Variants in CTNNA2 observed in about 807,000 individuals in gnomAD.
CTNNA2 encodes catenin alpha-2.
In CTNNA2, 42 loss-of-function variants were observed where a neutral mutation model predicts 101.0. That is an observed-to-expected ratio of 0.42 (90% CI 0.32 to 0.54). The LOEUF (loss-of-function observed/expected upper bound fraction) is 0.54, where lower values mean the gene tolerates loss of function less well. Among genes scored for constraint, CTNNA2 ranks in the 20% least tolerant of loss-of-function variants. CTNNA2 has a pLI of 0.14. For synonymous variants in CTNNA2, 450 were observed against 456.4 expected, an observed-to-expected ratio of 0.99 and a Z score of 0.18; for missense variants, 871 against 1,223.1, an observed-to-expected ratio of 0.71 and a Z score of 4.29.
intron 1 of CTNNA2, among the ~76,000 whole-genome samples, chr2:79,640,760 A>G (rs1000693303): frequency 6.6e-6 from 1 of 152,232 alleles, no homozygotes; most frequent in East Asian, 1.9e-4. Context: ...TTAATCAACA[A>G]CATTTAGGAA....
intron 7 of CTNNA2, among the ~76,000 whole-genome samples, chr2:79,982,268 C>G (rs377713060): frequency 9.2e-6 from 1 of 109,006 alleles, no homozygotes; most frequent in Non-Finnish European, 1.8e-5. Flanking sequence ...ACACACATAA[C>G]ATATATATAA....
At chr2:79,686,819 A>G (rs984539323) in intron 2 of CTNNA2, among the ~76,000 whole-genome samples, 1 of 152,118 alleles carries the variant, frequency 6.6e-6, no homozygotes, top group Non-Finnish European at 1.5e-5. Flanking sequence ...TGAAAAAAAT[A>G]CTAATATGCT....
intron 3 of CTNNA2, among the ~76,000 whole-genome samples, chr2:79,372,697 A>G (rs17016956): frequency 0.051 from 7,779 of 152,282 alleles, 678 homozygotes; most frequent in African/African-American, 0.18. Flanking sequence ...CCTCCCCAGA[A>G]TACAAAGACA....
At chr2:79,351,993 C>T (rs944540916) in intron 3 of CTNNA2, among the ~76,000 whole-genome samples, 7 of 152,144 alleles carry the variant, frequency 4.6e-5, no homozygotes, top group African/African-American at 1.4e-4. Context: ...TTTGAGAAAT[C>T]TCCAAAATTG....
At chr2:79,921,320 A>T (rs1416081487) in intron 7 of CTNNA2, among the ~76,000 whole-genome samples, 2 of 152,176 alleles carry the variant, frequency 1.3e-5, no homozygotes, top group African/African-American at 4.8e-5. Flanking sequence ...GTGAGTGGGG[A>T]TAAATAACTT....
chr2:79,417,903 C>T (rs555238200), intron 4 of CTNNA2, among the ~76,000 whole-genome samples: 1 of 152,040 alleles, frequency 6.6e-6, no homozygotes, highest in African/African-American at 2.4e-5. Context: ...CATGGCATTG[C>T]AGTAAAGAAA....
In CTNNA2 at chr2:80,303,637, G is replaced by A; in HGVS notation, c.1057-89574G>A. The stretch of plus-strand genomic sequence containing the variant: ...AGCCCAGCAGGCCGGACAGGTTGTG[G>A]GGCGCCTCGGTGAGGTTGAGCGCCT... On this transcript the variant is annotated intron_variant, in intron 7 of 18. Transcript: ENST00000402739. This position sits in a 1 kb window ranked among gnomAD's most constrained non-coding sequence, Gnocchi z 7.7. 1 of 1,613,684 alleles carries A rather than the reference G, an allele frequency of 6.2e-7. No individual in the cohort carries two copies. Among genetic ancestry groups the A allele is most frequent in the South Asian group, 1.1e-5 (1 of 91,058 alleles).
chr2:80,089,860 T>C (rs912458419), intron 7 of CTNNA2, among the ~76,000 whole-genome samples: 1 of 152,044 alleles, frequency 6.6e-6, no homozygotes, highest in African/African-American at 2.4e-5. Context: ...TTGTGTCAAG[T>C]GAGAAATGTG....
rs10207211 is a variant in CTNNA2, at chr2:79,541,701, A to G, written c.-6+28494A>G. On this transcript the variant is annotated intron_variant, in intron 1 of 18. Coordinates refer to ENST00000402739, the MANE Select transcript of CTNNA2 (RefSeq NM_001282597.3). Reference sequence around the variant, plus strand: ...GAGTGCAGTGGCATGATCTTGGCTCACTGCAACCTCCACCTCCTGGGGTCA... The same window carrying G: ...GAGTGCAGTGGCATGATCTTGGCTCGCTGCAACCTCCACCTCCTGGGGTCA... 1.3e-3 allele frequency among the ~76,000 whole-genome samples: 196 copies of G among 149,902 alleles called. 2 individuals carry two copies. Among genetic ancestry groups the G allele is most frequent in the African/African-American group, 4.4e-3 (180 of 40,670 alleles).
Position 79,794,599 on chromosome 2 carries a change from C to T in CTNNA2, c.298+50017C>T, listed in dbSNP as rs1029446692. Among the ~76,000 whole-genome samples, 8 of 152,202 alleles carry T rather than the reference C, an allele frequency of 5.3e-5. No homozygotes were observed. The East Asian group carries it at 9.7e-4, about 18-fold the overall frequency. On this transcript the variant is annotated intron_variant, in intron 3 of 18. Coordinates refer to ENST00000402739, the MANE Select transcript of CTNNA2 (RefSeq NM_001282597.3). ...GTAACAAAACTTATCATAAGATCTA[C>T]CCGCTTAGCAAGTCTTAAGCGTACA...
Position 79,227,232 on chromosome 2 carries a change from G to C in CTNNA2, c.-406+29156G>C, listed in dbSNP as rs181484316. ...CCAGGTTTGTCCAGACAGGACAAAC[G>C]AGTTTTAATCTGGGCATGCAAACAT... On this transcript the variant is annotated intron_variant, in intron 2 of 21. Transcript: ENST00000466387. Among the ~76,000 whole-genome samples, 13 of 152,222 alleles carry C rather than the reference G, an allele frequency of 8.5e-5. No individual in the cohort carries two copies. The East Asian group carries it at 2.5e-3, about 29-fold the overall frequency.
At chr2:79,427,892 G>T (rs755748350) in intron 4 of CTNNA2, among the ~76,000 whole-genome samples, 3 of 151,934 alleles carry the variant, frequency 2.0e-5, no homozygotes, top group Non-Finnish European at 2.9e-5. Context: ...TAATTTTGTG[G>T]AGTAATAAAC....
At chr2:80,329,289 G>A (rs1407178703) in intron 7 of CTNNA2, among the ~76,000 whole-genome samples, 1 of 152,132 alleles carries the variant, frequency 6.6e-6, no homozygotes, top group Non-Finnish European at 1.5e-5. Context: ...GAGAAGTAAT[G>A]TTTTGTTTGA....
intron 7 of CTNNA2, among the ~76,000 whole-genome samples, chr2:79,995,749 G>A (rs1473981073): frequency 6.6e-6 from 1 of 152,140 alleles, no homozygotes; most frequent in African/African-American, 2.4e-5. Context: ...GGAGGTTGAG[G>A]TTGGAGTGAG....
intron 6 of CTNNA2, among the ~76,000 whole-genome samples, chr2:79,906,291 G>T (rs987243054): frequency 2.0e-5 from 3 of 148,818 alleles, no homozygotes; most frequent in African/African-American, 7.6e-5. Flanking sequence ...TCTCATCCGG[G>T]ATACACACAC....
intron 9 of CTNNA2, among the ~76,000 whole-genome samples, chr2:80,530,991 A>G (rs892629051): frequency 6.6e-6 from 1 of 152,202 alleles, no homozygotes; most frequent in Non-Finnish European, 1.5e-5. Flanking sequence ...GGTAAGATGG[A>G]GTGAACAGGT....
intron 7 of CTNNA2, among the ~76,000 whole-genome samples, chr2:80,046,659 G>A (rs12465490): frequency 0.54 from 82,465 of 152,032 alleles, 24,277 homozygotes; most frequent in African/African-American, 0.76. Context: ...CAGGCGATCA[G>A]GAGTGCCTCA....
intron 1 of CTNNA2, among the ~76,000 whole-genome samples, chr2:79,601,892 AC>A (rs1445367479): frequency 3.3e-5 from 5 of 152,240 alleles, no homozygotes; most frequent in Admixed American, 3.3e-4. Context: ...CATCTAACCT[AC>A]TGAACATCAC....
At chr2:79,879,336 C>T (rs2974162) in intron 6 of CTNNA2, among the ~76,000 whole-genome samples, 107,378 of 149,782 alleles carry the variant, frequency 0.72, 38,239 homozygotes, top group Middle Eastern at 0.85. Flanking sequence ...AAAGTAGTTT[C>T]TTTTTCTAAT....
Sources: allele counts gnomAD v4.1 joint callset (sites outside exome capture counted in the v4.1 genomes callset), GRCh38; gene constraint gnomAD v4.1.1; non-coding constraint Gnocchi (gnomAD v3.1); transcripts MANE v1.5; gene names NCBI Gene and HGNC (gene_info 2026-07-23, HGNC 2026-07-21).